LRRC4C: variants seen among roughly 807,000 people sequenced by gnomAD.
LRRC4C encodes leucine rich repeat containing 4C, also known as leucine-rich repeat-containing protein 4C.
A neutral mutation model predicts 33.6 loss-of-function variants in LRRC4C; 5 were observed. That is an observed-to-expected ratio of 0.15 (90% CI 0.08 to 0.31). The LOEUF (loss-of-function observed/expected upper bound fraction) is 0.31. Ranked by LOEUF, LRRC4C falls within the 10% of genes least tolerant of loss-of-function variation. LRRC4C has a pLI of 1.00. For missense variants in LRRC4C, 560 were observed against 796.7 expected, an observed-to-expected ratio of 0.70 and a Z score of 3.58; for synonymous variants, 329 against 302.0, an observed-to-expected ratio of 1.09 and a Z score of -0.93.
In LRRC4C at chr11:40,336,150, T is replaced by C. The variant is rs561183232; in HGVS notation, c.-269-16429A>G. 4.9e-4 allele frequency among the ~76,000 whole-genome samples: 75 copies of C among 152,262 alleles called. 3 individuals are homozygous for C. In the South Asian group the frequency reaches 0.013, roughly 26 times the overall value. On this transcript the variant is annotated intron_variant, in intron 3 of 6. Transcript: ENST00000528697. Reference sequence around the variant, plus strand: ...CGATATAATAGCAGTCAAAACAAAATCCCTGCCTGCATGAAATTTACCTTC... The same window carrying C: ...CGATATAATAGCAGTCAAAACAAAACCCCTGCCTGCATGAAATTTACCTTC...
At chr11:41,448,599 C>T (rs1281398819) in intron 1 of LRRC4C, among the ~76,000 whole-genome samples, 1 of 152,120 alleles carries the variant, frequency 6.6e-6, no homozygotes, top group Non-Finnish European at 1.5e-5. Flanking sequence ...AGCCACTGCG[C>T]CCAGCTACAT....
At chr11:40,622,215 A>AT (rs1327962228) in intron 3 of LRRC4C, among the ~76,000 whole-genome samples, 1 of 151,870 alleles carries the variant, frequency 6.6e-6, no homozygotes, top group Non-Finnish European at 1.5e-5. Flanking sequence ...GTATTTTTAT[A>AT]TTTTTCAAAT....
At chr11:41,273,312 C>CCATT (rs1484999333) in intron 1 of LRRC4C, among the ~76,000 whole-genome samples, 2 of 152,180 alleles carry the variant, frequency 1.3e-5, no homozygotes, top group African/African-American at 4.8e-5. Context: ...GGATTTCAGA[C>CCATT]CATTCACAAT....
intron 1 of LRRC4C, among the ~76,000 whole-genome samples, chr11:41,359,209 C>T (rs1485974747): frequency 1.3e-5 from 2 of 151,828 alleles, no homozygotes; most frequent in African/African-American, 4.8e-5. Context: ...GATGTATTGG[C>T]AGAGCACAGA....
intron 2 of LRRC4C, among the ~76,000 whole-genome samples, chr11:40,690,340 T>A (rs1591473514): frequency 6.6e-6 from 1 of 152,048 alleles, no homozygotes; most frequent in African/African-American, 2.4e-5. Flanking sequence ...TTTAACTAAG[T>A]GACAGTGATA....
At chr11:41,236,832 G>A (rs1373503371) in intron 1 of LRRC4C, among the ~76,000 whole-genome samples, 3 of 152,166 alleles carry the variant, frequency 2.0e-5, no homozygotes, top group African/African-American at 7.2e-5. Context: ...AGAAAGAATA[G>A]TTTGTGTGAA....
intron 1 of LRRC4C, among the ~76,000 whole-genome samples, chr11:41,295,556 C>A (rs1217999950): frequency 1.3e-5 from 2 of 151,572 alleles, no homozygotes; most frequent in Non-Finnish European, 2.9e-5. Context: ...GAGAAATAAA[C>A]ATAAATAACT....
intron 2 of LRRC4C, among the ~76,000 whole-genome samples, chr11:40,803,753 G>A (rs76132024): frequency 0.14 from 21,616 of 152,044 alleles, 1,661 homozygotes; most frequent in Admixed American, 0.19. Context: ...GATTACAGGC[G>A]TGAGCCACCA....
chr11:40,651,591 C>T (rs1942807684), intron 2 of LRRC4C, among the ~76,000 whole-genome samples: 2 of 152,106 alleles, frequency 1.3e-5, no homozygotes, highest in Admixed American at 6.6e-5. Flanking sequence ...CATGCATTGT[C>T]TAATTTATTC....
At chr11:40,770,939 A>T (rs11036069) in intron 2 of LRRC4C, among the ~76,000 whole-genome samples, 47,774 of 151,902 alleles carry the variant, frequency 0.31, 7,764 homozygotes, top group Middle Eastern at 0.39. Context: ...GGCATTGAGT[A>T]CCTGTGGCTT....
intron 2 of LRRC4C, among the ~76,000 whole-genome samples, chr11:40,801,627 C>T (rs1227991919): frequency 6.6e-6 from 1 of 152,070 alleles, no homozygotes; most frequent in Non-Finnish European, 1.5e-5. Context: ...CTTGTTAATA[C>T]CATCTATGTT....
chr11:40,187,782 G>A (rs1351926135), intron 5 of LRRC4C, among the ~76,000 whole-genome samples: 1 of 152,094 alleles, frequency 6.6e-6, no homozygotes, highest in Non-Finnish European at 1.5e-5. Context: ...TTTCATAGAT[G>A]AGGAGCTTTT....
rs115202296 is a variant in LRRC4C at position 40,426,441 on chromosome 11, T to G, written c.-269-106720A>C. Among the ~76,000 whole-genome samples, 1,096 of 152,122 alleles carry G rather than the reference T, an allele frequency of 7.2e-3. 12 individuals are homozygous for G. Among genetic ancestry groups the G allele is most frequent in the African/African-American group, 0.025 (1,033 of 41,512 alleles). ...TTTTGTGTGGTCTGTTTGCTCCACTTGGGATGCCCTGTCCCTAGACATGCA... is the reference window on the plus strand; with the variant it reads ...TTTTGTGTGGTCTGTTTGCTCCACTGGGGATGCCCTGTCCCTAGACATGCA... On this transcript the variant is annotated intron_variant, in intron 3 of 6. Coordinates refer to ENST00000528697, the MANE Select transcript of LRRC4C (RefSeq NM_001258419.2).
chr11:41,223,705 A>C (rs894263809), intron 1 of LRRC4C, among the ~76,000 whole-genome samples: 1 of 152,222 alleles, frequency 6.6e-6, no homozygotes, highest in Non-Finnish European at 1.5e-5. Context: ...AAAGGCTGAG[A>C]TGGCAGATTA....
At chr11:41,374,255 A>C (rs1158867921) in intron 1 of LRRC4C, among the ~76,000 whole-genome samples, 6 of 152,198 alleles carry the variant, frequency 3.9e-5, no homozygotes, top group Non-Finnish European at 8.8e-5. Context: ...AGAAATACTC[A>C]GTATCACCAA....
chr11:40,792,728 G>C (rs987506580), intron 2 of LRRC4C, among the ~76,000 whole-genome samples: 7 of 152,004 alleles, frequency 4.6e-5, no homozygotes, highest in Non-Finnish European at 1.0e-4. Flanking sequence ...CAAAGATTTG[G>C]AACCAACCCA....
chr11:40,702,333 G>T (rs1945901594), intron 2 of LRRC4C, among the ~76,000 whole-genome samples: 1 of 152,050 alleles, frequency 6.6e-6, no homozygotes, highest in Non-Finnish European at 1.5e-5. Flanking sequence ...TCAGTCTAGA[G>T]ATTTTATGAA....
At position 40,511,632 on chromosome 11, in the gene LRRC4C, C is replaced by A. The variant is rs534454829; in HGVS notation, c.-270+136510G>T. ...AACTGAGTATTCAGGAAGAAGGAAACTTGAATAAGGCAGCATTCTCTCCAG... is the reference window on the plus strand; with the variant it reads ...AACTGAGTATTCAGGAAGAAGGAAAATTGAATAAGGCAGCATTCTCTCCAG... On this transcript the variant is annotated intron_variant, in intron 3 of 6. Transcript: ENST00000528697. Among the ~76,000 whole-genome samples, 4 of 152,132 alleles carry A rather than the reference C, an allele frequency of 2.6e-5. No homozygotes were observed. The South Asian group carries it at 8.3e-4, about 32-fold the overall frequency.
At chr11:41,340,460 T>C (rs1951593968) in intron 1 of LRRC4C, among the ~76,000 whole-genome samples, 1 of 152,156 alleles carries the variant, frequency 6.6e-6, no homozygotes, top group Non-Finnish European at 1.5e-5. Flanking sequence ...GAAGTTAAAT[T>C]TGGGATCTAG....
Sources: gnomAD v4.1 joint callset for allele counts (sites outside exome capture counted in the v4.1 genomes callset) on GRCh38, gnomAD v4.1.1 for gene constraint, MANE v1.5 for transcripts, NCBI Gene and HGNC (gene_info 2026-07-23, HGNC 2026-07-21) for gene names.